EYS: variants seen among roughly 807,000 people sequenced by gnomAD.
The protein encoded by EYS is protein eyes shut homolog.
A neutral mutation model predicts 282.1 loss-of-function variants in EYS; 250 were observed. That is an observed-to-expected ratio of 0.89 (90% CI 0.80 to 0.98). The LOEUF (loss-of-function observed/expected upper bound fraction) is 0.98, where lower values mean the gene tolerates loss of function less well. Ranked by LOEUF, EYS falls within the 50% of genes least tolerant of loss-of-function variation. EYS has a pLI of 0.00. For missense variants in EYS, 4,016 were observed against 3,709.0 expected, an observed-to-expected ratio of 1.08 and a Z score of -2.15; for synonymous variants, 1,355 against 1,282.9, an observed-to-expected ratio of 1.06 and a Z score of -1.20.
chr6:64,328,460 C>T (rs59135958), intron 29 of EYS, among the ~76,000 whole-genome samples: 4,732 of 152,194 alleles, frequency 0.031, 234 homozygotes, highest in African/African-American at 0.11. Context: ...TTGGAAAAGT[C>T]TCAGAGGTCT....
chr6:64,545,181 T>C (rs981167584), intron 26 of EYS, among the ~76,000 whole-genome samples: 1 of 152,146 alleles, frequency 6.6e-6, no homozygotes, highest in African/African-American at 2.4e-5. Context: ...CATGATCAAG[T>C]GGGCTTCATC....
intron 29 of EYS, among the ~76,000 whole-genome samples, chr6:64,386,913 C>G (rs113645966): frequency 4.5e-4 from 69 of 152,202 alleles, no homozygotes; most frequent in African/African-American, 1.5e-3. Context: ...GTGAACATAG[C>G]ATGATGACAA....
chr6:64,688,617 A>C (rs1770249766), intron 22 of EYS, among the ~76,000 whole-genome samples: 1 of 152,070 alleles, frequency 6.6e-6, no homozygotes, highest in Non-Finnish European at 1.5e-5. Flanking sequence ...GTTCTTTTGC[A>C]TTTGCTGAGG....
intron 22 of EYS, among the ~76,000 whole-genome samples, chr6:64,634,684 G>A (rs1459577993): frequency 6.6e-6 from 1 of 152,142 alleles, no homozygotes; most frequent in African/African-American, 2.4e-5. Flanking sequence ...CATGCCATGT[G>A]AGGATCCCCA....
At chr6:63,942,815 G>C (rs999073665) in intron 35 of EYS, among the ~76,000 whole-genome samples, 7 of 152,016 alleles carry the variant, frequency 4.6e-5, no homozygotes, top group African/African-American at 1.7e-4. Context: ...TACCTCTTCC[G>C]CCTCTGCTAT....
intron 35 of EYS, among the ~76,000 whole-genome samples, chr6:63,944,268 A>G (rs1191994084): frequency 2.0e-5 from 3 of 152,222 alleles, no homozygotes; most frequent in Non-Finnish European, 2.9e-5. Context: ...TCTTAGCCAC[A>G]TATGGCAAAA....
intron 35 of EYS, among the ~76,000 whole-genome samples, chr6:63,868,844 CTG>C (rs1772731214): frequency 6.6e-6 from 1 of 152,146 alleles, no homozygotes; most frequent in African/African-American, 2.4e-5. Context: ...GAGTTGTTAG[CTG>C]TGTGTGGAGA....
chr6:64,506,770 G>C (rs1173033345), intron 26 of EYS, among the ~76,000 whole-genome samples: 2 of 151,972 alleles, frequency 1.3e-5, no homozygotes, highest in African/African-American at 4.8e-5. Flanking sequence ...TTAGTCGGCT[G>C]TGGTGGCAAG....
intron 35 of EYS, among the ~76,000 whole-genome samples, chr6:63,912,091 G>A (rs1013661692): frequency 1.3e-5 from 2 of 152,214 alleles, no homozygotes; most frequent in Non-Finnish European, 2.9e-5. Context: ...ATTTAGATCT[G>A]TCTCTCGGGA....
At chr6:65,233,339 G>A (rs148364129) in intron 12 of EYS, among the ~76,000 whole-genome samples, 300 of 152,150 alleles carry the variant, frequency 2.0e-3, no homozygotes, top group African/African-American at 6.6e-3. Flanking sequence ...GGTTATTATT[G>A]CTGCCGTTTG....
chr6:63,876,232 C>T (rs1183406266), intron 35 of EYS, among the ~76,000 whole-genome samples: 1 of 152,160 alleles, frequency 6.6e-6, no homozygotes, highest in Non-Finnish European at 1.5e-5. Flanking sequence ...GTTATGTACC[C>T]AGTAGTCATT....
intron 42 of EYS, among the ~76,000 whole-genome samples, chr6:63,723,172 G>T (rs943655670): frequency 2.0e-5 from 3 of 152,000 alleles, no homozygotes; most frequent in African/African-American, 7.2e-5. Context: ...TTCCTATAAT[G>T]ACATGAAAAT....
At position 65,495,565 on chromosome 6, in the gene EYS, G is replaced by A. The variant is rs1314735049; in HGVS notation, c.-155C>T. ...TACCCAAAGTAGCTTTGATGACAATGTGCTTTGATGGAGAAACAGGAATTC... is the reference window on the plus strand; with the variant it reads ...TACCCAAAGTAGCTTTGATGACAATATGCTTTGATGGAGAAACAGGAATTC... On this transcript the variant is annotated 5_prime_UTR_variant, in exon 4 of 43. Transcript: ENST00000503581. 1.5e-6 allele frequency: 1 copy of A among 677,812 alleles called. No individual in the cohort carries two copies. Among genetic ancestry groups the A allele is most frequent in the Admixed American group, 2.6e-5 (1 of 38,458 alleles). The allele number at this position is 677,812 out of a possible 1,614,324, so 42.0% of individuals were successfully genotyped here. A position where few individuals can be genotyped will look rare whatever the true frequency, so the allele number is the denominator to read the frequency against.
intron 16 of EYS, among the ~76,000 whole-genome samples, chr6:64,910,407 A>T (rs1767955155): frequency 6.6e-6 from 1 of 152,116 alleles, no homozygotes; most frequent in Non-Finnish European, 1.5e-5. Context: ...ACTTAAAACT[A>T]CTAAAGACAC....
chr6:64,419,058 A>G (rs1289518791), intron 28 of EYS, among the ~76,000 whole-genome samples: 1 of 152,180 alleles, frequency 6.6e-6, no homozygotes, highest in Non-Finnish European at 1.5e-5. Flanking sequence ...CAATTTAAAT[A>G]TTCGCTATGG....
chr6:64,827,192 C>A (rs1385265622), intron 19 of EYS, among the ~76,000 whole-genome samples: 1 of 151,806 alleles, frequency 6.6e-6, no homozygotes, highest in East Asian at 1.9e-4. Context: ...AATATTTTCT[C>A]ATATCCATGT....
At chr6:65,247,036 A>C (rs1767197726) in intron 12 of EYS, among the ~76,000 whole-genome samples, 1 of 152,128 alleles carries the variant, frequency 6.6e-6, no homozygotes, top group Admixed American at 6.5e-5. Context: ...AAAGTAAAAA[A>C]TAAACAAATA....
At position 63,907,987 on chromosome 6, in the gene EYS, T is replaced by TACACAC. The variant is rs60426309; in HGVS notation, c.7056-43635_7056-43630dup. 6.3e-3 allele frequency among the ~76,000 whole-genome samples: 672 copies of TACACAC among 105,914 alleles called. 7 individuals carry two copies. The highest frequency in any genetic ancestry group is 0.021 in the African/African-American group (597 of 27,792). The allele number at this position is 105,914 out of a possible 152,430, so 69.5% of individuals were successfully genotyped here. On this transcript the variant is annotated intron_variant, in intron 35 of 42. Transcript: ENST00000503581. ...CTGAATAGTATTGACTGTATATATGTACACACACACACACACACACAAACG... is the reference window on the plus strand; with the variant it reads ...CTGAATAGTATTGACTGTATATATGTACACACACACACACACACACACACACAAACG...
intron 26 of EYS, among the ~76,000 whole-genome samples, chr6:64,521,481 G>C (rs1427081221): frequency 6.6e-6 from 1 of 151,652 alleles, no homozygotes; most frequent in East Asian, 1.9e-4. Context: ...TGCTATCTCA[G>C]CTACTTAGAG....
Sources: allele counts gnomAD v4.1 joint callset (sites outside exome capture counted in the v4.1 genomes callset), GRCh38; gene constraint gnomAD v4.1.1; transcripts MANE v1.5; gene names NCBI Gene and HGNC (gene_info 2026-07-23, HGNC 2026-07-21).